Variants in AP4S1 observed in about 807,000 individuals in gnomAD.
AP4S1 encodes the protein adaptor related protein complex 4 subunit sigma 1.
Under a neutral mutation model 19.8 loss-of-function variants are expected in AP4S1, and 23 were observed. The ratio of observed to expected loss-of-function variants is 1.16; its 90% CI spans 0.84 to 1.65. The LOEUF is 1.65. Among genes scored for constraint, AP4S1 ranks in the 40% most tolerant of loss-of-function variants. The pLI is 0.00. For synonymous variants in AP4S1, 46 were observed against 54.1 expected (o/e 0.85, Z 0.66); for missense variants, 166 against 172.8 (o/e 0.96, Z 0.22).
intron 5 of AP4S1, chr14:31,086,410 ATTTGTTTGTTTG>A (rs143384644): frequency 6.6e-6 from 1 of 152,308 alleles, no homozygotes; most frequent in East Asian, 1.9e-4. Context: ...GAATGGCTTG[ATTTGTTTGTTTG>A]TTTGTTTGTT....
intron 5 of AP4S1, chr14:31,084,644 C>A: frequency 6.7e-7 from 1 of 1,490,540 alleles, no homozygotes; most frequent in South Asian, 1.2e-5. Context: ...CCACTCCACC[C>A]GCCCGGCTGA....
chr14:31,047,187 A>T (rs1219252645), intron 1 of AP4S1, among the ~76,000 whole-genome samples: 2 of 151,920 alleles, frequency 1.3e-5, no homozygotes, highest in Admixed American at 6.6e-5. Context: ...TCTGTTTTTT[A>T]ATTATGTTGC....
chr14:31,073,052 G>A lies in AP4S1; in HGVS notation c.294+79G>A, dbSNP rs966627663. On this transcript the variant is annotated intron_variant, in intron 4 of 5. Transcript: ENST00000542754. ...TTGAGTCTCTTTGGATCTATATCAA[G>A]AACATGTGTTAATACAGAGTTTTAA... 2.5e-6 allele frequency: 3 copies of A among 1,195,396 alleles called. No homozygotes were observed. In the African/African-American group the frequency reaches 4.5e-5, roughly 18 times the overall value. 74.0% of individuals were successfully genotyped at this position (1,195,396 alleles called of 1,614,324 possible). A position where few individuals can be genotyped will look rare whatever the true frequency, so the allele number is the denominator to read the frequency against.
intron 1 of AP4S1, among the ~76,000 whole-genome samples, chr14:31,056,037 G>T (rs543498596): frequency 2.7e-5 from 4 of 150,504 alleles, no homozygotes; most frequent in Non-Finnish European, 5.9e-5. Context: ...TAGAGATGAA[G>T]TTTCACCATG....
At chr14:31,067,568 G>A (rs1422401028) in intron 2 of AP4S1, among the ~76,000 whole-genome samples, 1 of 150,522 alleles carries the variant, frequency 6.6e-6, no homozygotes, top group Non-Finnish European at 1.5e-5. Flanking sequence ...AGGCTGGAGT[G>A]CAGTGATGCC....
intron 1 of AP4S1, among the ~76,000 whole-genome samples, chr14:31,046,051 C>G (rs529148563): frequency 6.6e-6 from 1 of 151,562 alleles, no homozygotes; most frequent in Non-Finnish European, 1.5e-5. Flanking sequence ...ACTGCAACCT[C>G]CGCCTCCCAG....
intron 1 of AP4S1, chr14:31,026,185 T>C: frequency 4.1e-6 from 6 of 1,461,698 alleles, no homozygotes; most frequent in Non-Finnish European, 5.4e-6. Context: ...AGCTCGTCCA[T>C]TGTGTGTGGG....
chr14:31,089,626 A>G (rs1158956578), intron 5 of AP4S1, among the ~76,000 whole-genome samples: 2 of 152,354 alleles, frequency 1.3e-5, no homozygotes, highest in South Asian at 4.1e-4. Flanking sequence ...CAAAATTCCA[A>G]TGTTGGGGCC....
chr14:31,078,154 G>T (rs1361460045), intron 4 of AP4S1, among the ~76,000 whole-genome samples: 1 of 152,198 alleles, frequency 6.6e-6, no homozygotes, highest in Non-Finnish European at 1.5e-5. Flanking sequence ...ATACCAAGAG[G>T]TGGTCATTCC....
In AP4S1 at chr14:31,088,152, ACAGTTCTGC is replaced by A. The variant is rs569139143; in HGVS notation, c.307-4753_307-4745del. 3.0e-4 allele frequency among the ~76,000 whole-genome samples: 46 copies of A among 152,258 alleles called. 1 individual carries two copies. Among genetic ancestry groups the A allele is most frequent in the Middle Eastern group, 3.4e-3 (1 of 294 alleles). ...GGAAGATGTGAACGTTGCAAATCTG[ACAGTTCTGC>A]CTCCAGGTTTTTTTTGGCTCCCACT... On this transcript the variant is annotated intron_variant, in intron 5 of 5. Coordinates refer to ENST00000542754, the MANE Select transcript of AP4S1 (RefSeq NM_001128126.3).
rs183487893 is a variant in AP4S1 at position 31,072,969 on chromosome 14, G to A, written c.290G>A (p.Arg97Gln). The A allele has an allele frequency of 4.8e-5, 77 of 1,613,436 alleles. 2 individuals are homozygous for A. Among genetic ancestry groups the A allele is most frequent in the African/African-American group, 4.1e-4 (31 of 75,010 alleles). Residue 97 changes from arginine (R) to glutamine (Q), a missense_variant, in exon 4 of 6, where the codon CGA becomes CAA. Physicochemically the swap from Arg to Gln is conservative, Grantham distance 43. Transcript: ENST00000542754. ...GAAGTTTTAGATGAGTATTTCAGCC[G>A]AGTGGTAAGTCTAATGGCTAAAAAA... ...FVEVLDEYFS[R>Q]VSELDIMFNL...
rs1566532958 is a variant in AP4S1, at chr14:31,066,340, T to C, written c.138+6T>C. On this transcript the variant is annotated splice_donor_region_variant and intron_variant, in intron 2 of 5. Transcript: ENST00000542754. ...TCTCTCGATCCAATGAACAAGTAAG[T>C]CTCTGGTTCTCTCTTTTATCTCTGC... 7 of 1,613,814 alleles carry C rather than the reference T, an allele frequency of 4.3e-6. No homozygotes were observed. Among genetic ancestry groups the C allele is most frequent in the Non-Finnish European group, 5.9e-6 (7 of 1,179,910 alleles).
At chr14:31,051,026 G>A (rs985288370) in intron 1 of AP4S1, among the ~76,000 whole-genome samples, 3 of 151,978 alleles carry the variant, frequency 2.0e-5, no homozygotes, top group African/African-American at 7.2e-5. Context: ...AGGCTGGAGC[G>A]GGAGGATCGC....
rs1887842697 is a variant in AP4S1 at position 31,084,798 on chromosome 14, C to A, written c.306+4214C>A. On this transcript the variant is annotated intron_variant, in intron 5 of 5. Coordinates refer to ENST00000542754, the MANE Select transcript of AP4S1 (RefSeq NM_001128126.3). ...CAATTGATGAACTTCCCAAAATATGCTCAGCCCTGGAGCCCCAGCAGACTT... is the reference window on the plus strand; with the variant it reads ...CAATTGATGAACTTCCCAAAATATGATCAGCCCTGGAGCCCCAGCAGACTT... 1.2e-6 allele frequency: 2 copies of A among 1,614,160 alleles called. No homozygotes were observed. The highest frequency in any genetic ancestry group is 2.7e-5 in the African/African-American group (2 of 75,022).
In AP4S1 at chr14:31,093,287, C is replaced by G. The variant is rs1377200752; in HGVS notation, c.*252C>G. The G allele has an allele frequency of 3.4e-6, 1 of 298,304 alleles. No homozygotes were observed. Among genetic ancestry groups the G allele is most frequent in the African/African-American group, 2.2e-5 (1 of 44,476 alleles). The allele number at this position is 298,304 out of a possible 1,614,324, so 18.5% of individuals were successfully genotyped here. A position where few individuals can be genotyped will look rare whatever the true frequency, so the allele number is the denominator to read the frequency against. ...ATTTTCTAATTGTAAACATATCTGT[C>G]GCACTTTAAATTCTGTTGAGCACCT... On this transcript the variant is annotated 3_prime_UTR_variant, in exon 6 of 6. Transcript: ENST00000542754.
At chr14:31,043,604 A>G (rs979608920) in intron 1 of AP4S1, among the ~76,000 whole-genome samples, 2 of 152,232 alleles carry the variant, frequency 1.3e-5, no homozygotes, top group Admixed American at 6.5e-5. Flanking sequence ...TAGCCCTCAC[A>G]ATAACTCGGC....
chr14:31,066,874 G>T (rs890682917), intron 2 of AP4S1, among the ~76,000 whole-genome samples: 43 of 152,254 alleles, frequency 2.8e-4, no homozygotes, highest in Admixed American at 1.4e-3. Flanking sequence ...AAACAAATTT[G>T]ATTATCTAGG....
At chr14:31,058,764 T>A (rs1243412191) in intron 1 of AP4S1, among the ~76,000 whole-genome samples, 1 of 150,288 alleles carries the variant, frequency 6.7e-6, no homozygotes, top group African/African-American at 2.5e-5. Context: ...TTAGTAGACA[T>A]GGCGTCTCAC....
At position 31,066,129 on chromosome 14, in the gene AP4S1, C is replaced by A; in HGVS notation, c.-68C>A. 1 of 1,494,078 alleles carries A rather than the reference C, an allele frequency of 6.7e-7. No individual in the cohort carries two copies. The highest frequency in any genetic ancestry group is 1.4e-5 in the African/African-American group (1 of 72,296). The allele number at this position is 1,494,078 out of a possible 1,614,324, so 92.6% of individuals were successfully genotyped here. ...TTTGTTTGTTTTTGTCTTCAAGGTT[C>A]CAGTTACAGCCATCCCTTGTCATAA... On this transcript the variant is annotated 5_prime_UTR_variant, in exon 2 of 6. Coordinates refer to ENST00000542754, the MANE Select transcript of AP4S1 (RefSeq NM_001128126.3).
Sources: allele counts gnomAD v4.1 joint callset (sites outside exome capture counted in the v4.1 genomes callset), GRCh38; gene constraint gnomAD v4.1.1; transcripts MANE v1.5; gene names NCBI Gene and HGNC (gene_info 2026-07-23, HGNC 2026-07-21).